Variants in ZFAND3 observed in about 807,000 individuals in gnomAD.
The protein encoded by ZFAND3 is AN1-type zinc finger protein 3.
ZFAND3 carries 10 observed loss-of-function variants against 29.6 expected under a neutral mutation model. That is an observed-to-expected ratio of 0.34 (90% CI 0.21 to 0.57). ZFAND3 has a LOEUF of 0.57. Ranked by LOEUF, ZFAND3 falls within the 20% of genes least tolerant of loss-of-function variation. ZFAND3 has a pLI of 0.86. For missense variants in ZFAND3, 230 were observed against 304.5 expected (o/e 0.76, Z 1.82); for synonymous variants, 128 against 112.6 (o/e 1.14, Z -0.87).
chr6:38,117,324 G>T (rs1191998417), intron 5 of ZFAND3, among the ~76,000 whole-genome samples: 2 of 148,914 alleles, frequency 1.3e-5, no homozygotes, highest in East Asian at 2.0e-4. Context: ...AAAGTGCTGG[G>T]ATTACAGGCA....
intron 2 of ZFAND3, among the ~76,000 whole-genome samples, chr6:38,038,781 T>C (rs969340317): frequency 2.6e-5 from 4 of 152,200 alleles, no homozygotes; most frequent in African/African-American, 9.7e-5. Flanking sequence ...TGTTTACATG[T>C]CATTTTAGAT....
intron 1 of ZFAND3, among the ~76,000 whole-genome samples, chr6:37,908,551 A>AAG (rs1561930125): frequency 8.8e-6 from 1 of 114,176 alleles, no homozygotes; most frequent in African/African-American, 4.9e-5. Flanking sequence ...TTAAAAAAAA[A>AAG]AAAAAAAAGA....
chr6:38,106,679 GTT>G (rs1765216236), intron 4 of ZFAND3, among the ~76,000 whole-genome samples: 1 of 151,064 alleles, frequency 6.6e-6, no homozygotes, highest in African/African-American at 2.5e-5. Flanking sequence ...GGCGCTAGTT[GTT>G]TGTGTGTGTG....
At chr6:37,831,982 C>T (rs1763870237) in intron 1 of ZFAND3, among the ~76,000 whole-genome samples, 1 of 152,160 alleles carries the variant, frequency 6.6e-6, no homozygotes, top group Non-Finnish European at 1.5e-5. Context: ...GTGGAGGATG[C>T]ATTGGAGTGT....
chr6:38,094,127 G>A lies in ZFAND3; in HGVS notation c.361+11670G>A, dbSNP rs535614660. On this transcript the variant is annotated intron_variant, in intron 4 of 5. Transcript: ENST00000287218. ...GGAGTTTCTCCTAGAAAAGGTGGTC[G>A]CCGTGTTCTGATTAAAGGAAAAAAT... Among the ~76,000 whole-genome samples, 6 of 152,184 alleles carry A rather than the reference G, an allele frequency of 3.9e-5. No homozygotes were observed. The South Asian group carries it at 6.2e-4, about 16-fold the overall frequency.
intron 1 of ZFAND3, among the ~76,000 whole-genome samples, chr6:37,906,253 G>A (rs376265534): frequency 3.9e-5 from 6 of 152,052 alleles, no homozygotes; most frequent in African/African-American, 1.4e-4. Context: ...TTGTCTTTAT[G>A]GATTTGTTTA....
chr6:38,014,202 G>A (rs1169801776), intron 2 of ZFAND3, among the ~76,000 whole-genome samples: 1 of 152,074 alleles, frequency 6.6e-6, no homozygotes, highest in Non-Finnish European at 1.5e-5. Context: ...CAACTTTTTT[G>A]TAAGTTTGTA....
At chr6:37,921,641 A>G (rs567943910) in intron 1 of ZFAND3, among the ~76,000 whole-genome samples, 9 of 152,274 alleles carry the variant, frequency 5.9e-5, no homozygotes, top group Non-Finnish European at 1.0e-4. Context: ...ATGAATTAGC[A>G]TGAAGGCTAA....
At chr6:37,989,306 G>A (rs1212205613) in intron 2 of ZFAND3, among the ~76,000 whole-genome samples, 4 of 152,182 alleles carry the variant, frequency 2.6e-5, no homozygotes, top group Non-Finnish European at 5.9e-5. Flanking sequence ...CTTGGTTTGG[G>A]TGGCTAAAAC....
At chr6:37,874,795 C>T (rs1452724742) in intron 1 of ZFAND3, among the ~76,000 whole-genome samples, 2 of 152,112 alleles carry the variant, frequency 1.3e-5, no homozygotes, top group African/African-American at 4.8e-5. Context: ...AGGCTGGTCT[C>T]AAACTCTGGA....
intron 4 of ZFAND3, among the ~76,000 whole-genome samples, chr6:38,092,781 C>T (rs549097735): frequency 2.0e-5 from 3 of 152,210 alleles, no homozygotes; most frequent in Non-Finnish European, 2.9e-5. Flanking sequence ...TAGGAGAAAT[C>T]TGTAACGGAG....
At chr6:37,935,299 T>C (rs1761678318) in intron 2 of ZFAND3, among the ~76,000 whole-genome samples, 1 of 152,188 alleles carries the variant, frequency 6.6e-6, no homozygotes, top group African/African-American at 2.4e-5. Flanking sequence ...TGAGGATCTC[T>C]TATGGCCTAA....
chr6:37,975,953 T>C lies in ZFAND3; in HGVS notation c.112+45954T>C, dbSNP rs140505570. On this transcript the variant is annotated intron_variant, in intron 2 of 5. Transcript: ENST00000287218. The stretch of plus-strand genomic sequence containing the variant: ...TTTGTGGTTGGGATTGCTGTGAATG[T>C]GTAGATTAACGGGAAAATTTACATC... Among the ~76,000 whole-genome samples, 536 of 152,294 alleles carry C rather than the reference T, an allele frequency of 3.5e-3. 3 individuals carry two copies. The highest frequency in any genetic ancestry group is 0.012 in the African/African-American group (502 of 41,568).
At chr6:37,928,177 C>T (rs1037667761) in intron 1 of ZFAND3, among the ~76,000 whole-genome samples, 4 of 152,138 alleles carry the variant, frequency 2.6e-5, no homozygotes, top group African/African-American at 9.7e-5. Flanking sequence ...ACCCCCTTTC[C>T]CCCATCTTGT....
chr6:38,013,758 CAGGTT>C (rs1763202994), intron 2 of ZFAND3, among the ~76,000 whole-genome samples: 2 of 151,944 alleles, frequency 1.3e-5, no homozygotes, highest in Admixed American at 1.3e-4. Context: ...CTCCAATGTC[CAGGTT>C]ACACCTCATA....
At chr6:38,121,516 A>G (rs956038801) in intron 5 of ZFAND3, among the ~76,000 whole-genome samples, 8 of 152,230 alleles carry the variant, frequency 5.3e-5, no homozygotes, top group African/African-American at 1.9e-4. Context: ...GTTCCCATGG[A>G]ATGTTTTCAC....
intron 1 of ZFAND3, among the ~76,000 whole-genome samples, chr6:37,923,112 T>G (rs1761415356): frequency 6.6e-6 from 1 of 152,210 alleles, no homozygotes; most frequent in Non-Finnish European, 1.5e-5. Flanking sequence ...ATCCTTATTC[T>G]ATAAGTTTTC....
chr6:37,983,674 C>T (rs1305876929), intron 2 of ZFAND3, among the ~76,000 whole-genome samples: 1 of 149,498 alleles, frequency 6.7e-6, no homozygotes, highest in Non-Finnish European at 1.5e-5. Context: ...CATTTTTTAT[C>T]TTTTATATGG....
At chr6:38,136,058 A>G (rs1294832607) in intron 5 of ZFAND3, among the ~76,000 whole-genome samples, 3 of 152,206 alleles carry the variant, frequency 2.0e-5, no homozygotes, top group Non-Finnish European at 2.9e-5. Context: ...GGCGGGGCAA[A>G]AATGGAGGTG....
Sources: allele counts gnomAD v4.1 joint callset (sites outside exome capture counted in the v4.1 genomes callset), GRCh38; gene constraint gnomAD v4.1.1; transcripts MANE v1.5; gene names NCBI Gene and HGNC (gene_info 2026-07-23, HGNC 2026-07-21).